TAF4B: variants seen among roughly 807,000 people sequenced by gnomAD.
TAF4B encodes TATA-box binding protein associated factor 4b.
In TAF4B, 38 loss-of-function variants were observed where a neutral mutation model predicts 86.4. That is an observed-to-expected ratio of 0.44 (90% CI 0.34 to 0.58). The LOEUF (loss-of-function observed/expected upper bound fraction) is 0.58, where lower values mean the gene tolerates loss of function less well. TAF4B is among the 20% of genes least tolerant of loss of function. The pLI, the probability that TAF4B is intolerant of heterozygous loss-of-function variation, is 0.02. For missense variants in TAF4B, 988 were observed against 1,027.6 expected (o/e 0.96, Z 0.53); for synonymous variants, 388 against 391.2 (o/e 0.99, Z 0.10).
At chr18:26,277,569 ATC>A (rs1439365991) in intron 5 of TAF4B, among the ~76,000 whole-genome samples, 1 of 152,164 alleles carries the variant, frequency 6.6e-6, no homozygotes, top group African/African-American at 2.4e-5. Context: ...TCTGCATTTA[ATC>A]TGTTTTGTGA....
intron 9 of TAF4B, among the ~76,000 whole-genome samples, chr18:26,295,962 T>A (rs1441274559): frequency 6.8e-6 from 1 of 148,134 alleles, no homozygotes; most frequent in Non-Finnish European, 1.5e-5. Flanking sequence ...GAGTATAGTT[T>A]TAAATATTAG....
In TAF4B at chr18:26,227,014, G is replaced by A. The variant is rs1483827865; in HGVS notation, c.81G>A (p.Pro27=). 2.7e-6 allele frequency: 4 copies of A among 1,465,480 alleles called. No homozygotes were observed. Among genetic ancestry groups the A allele is most frequent in the Non-Finnish European group, 3.6e-6 (4 of 1,123,032 alleles). The allele number at this position is 1,465,480 out of a possible 1,614,324, so 90.8% of individuals were successfully genotyped here. Residue 27 remains proline, a synonymous_variant, in exon 1 of 15, where the codon CCG becomes CCA. Coordinates refer to ENST00000269142, the MANE Select transcript of TAF4B (RefSeq NM_005640.3). Reference sequence around the variant, plus strand: ...CCTCGGGGACCGTGACCATGGCCCCGGCCGGGGCGCTGCCGGTGCGGGTGG... The same window carrying A: ...CCTCGGGGACCGTGACCATGGCCCCAGCCGGGGCGCTGCCGGTGCGGGTGG... ...VSASGTVTMA[P]AGALPVRVES...
intron 2 of TAF4B, 116 bp from the exon 3 acceptor site, chr18:26,267,400 T>A (rs1380520837): frequency 5.7e-6 from 4 of 698,344 alleles, no homozygotes; most frequent in Non-Finnish European, 1.0e-5. Context: ...AGGTTATAAC[T>A]CCAGTCATAA....
intron 13 of TAF4B, chr18:26,349,045 T>C (rs1189364469): frequency 3.3e-5 from 5 of 152,204 alleles, no homozygotes; most frequent in African/African-American, 4.8e-5. Context: ...ACAATGTGCA[T>C]GCTAAGACCT....
chr18:26,257,911 T>C (rs1245822580), intron 1 of TAF4B, among the ~76,000 whole-genome samples: 2 of 151,266 alleles, frequency 1.3e-5, no homozygotes, highest in Non-Finnish European at 2.9e-5. Context: ...ACCTTGCATC[T>C]AGTTATATTA....
chr18:26,246,100 A>G (rs889966257), intron 1 of TAF4B, among the ~76,000 whole-genome samples: 6 of 152,220 alleles, frequency 3.9e-5, no homozygotes, highest in African/African-American at 1.4e-4. Context: ...AACAGTATTA[A>G]TACTTAATTT....
At chr18:26,291,219 T>A (rs2056588310) in intron 7 of TAF4B, among the ~76,000 whole-genome samples, 1 of 152,130 alleles carries the variant, frequency 6.6e-6, no homozygotes, top group Non-Finnish European at 1.5e-5. Context: ...TCACTATCAA[T>A]AGCTGGCTCA....
In TAF4B at chr18:26,315,233, G is replaced by T; in HGVS notation, c.1837G>T (p.Glu613Ter). 1 of 1,570,836 alleles carries T rather than the reference G, an allele frequency of 6.4e-7. No homozygotes were observed. Among genetic ancestry groups the T allele is most frequent in the Non-Finnish European group, 8.6e-7 (1 of 1,158,810 alleles). ...ACTTTTTTTTTTTTCTATTAGAGAT[G>T]AGGATGACATCAATGATGTGACTTC... The part of the protein sequence containing the change: ...KENVTSCFRD[E>*]DDINDVTSMA... Residue 613 changes from glutamate (E) to a stop codon, truncating the protein, a stop_gained, in exon 10 of 15, where the codon GAG becomes TAG. Coordinates refer to ENST00000269142, the MANE Select transcript of TAF4B (RefSeq NM_005640.3). LOFTEE classifies it high-confidence loss of function.
At chr18:26,279,254 G>A (rs1568123685) in intron 5 of TAF4B, among the ~76,000 whole-genome samples, 1 of 151,990 alleles carries the variant, frequency 6.6e-6, no homozygotes, top group Non-Finnish European at 1.5e-5. Context: ...CAAATCAAGA[G>A]CACAGTCCCA....
chr18:26,377,700 C>T (rs2057452053), intron 14 of TAF4B, among the ~76,000 whole-genome samples: 1 of 152,058 alleles, frequency 6.6e-6, no homozygotes, highest in South Asian at 2.1e-4. Context: ...CAGTATTATA[C>T]GTAAATGGGC....
chr18:26,292,995 G>A (rs1598766871), intron 8 of TAF4B, among the ~76,000 whole-genome samples: 2 of 152,128 alleles, frequency 1.3e-5, no homozygotes, highest in East Asian at 3.9e-4. Context: ...TTCTTAAAAT[G>A]TAGTTCTTTC....
intron 11 of TAF4B, among the ~76,000 whole-genome samples, chr18:26,326,533 G>T (rs1331828738): frequency 6.6e-6 from 1 of 152,188 alleles, no homozygotes; most frequent in Non-Finnish European, 1.5e-5. Context: ...TCTAATCATG[G>T]TAACCAAGGT....
intron 13 of TAF4B, 45 bp from the exon 14 acceptor site, chr18:26,357,645 C>A: frequency 1.5e-6 from 2 of 1,343,890 alleles, no homozygotes; most frequent in Non-Finnish European, 2.1e-6. Flanking sequence ...TCCCTCTGAG[C>A]ATGAATGTGT....
chr18:26,269,069 A>G (rs943965686), intron 3 of TAF4B, among the ~76,000 whole-genome samples: 1 of 152,044 alleles, frequency 6.6e-6, no homozygotes, highest in East Asian at 1.9e-4. Context: ...TAATCCGCCT[A>G]CCTCAGCCTC....
In TAF4B at chr18:26,340,156, A is replaced by AT. The variant is rs2057124940; in HGVS notation, c.2316+4926dup. On this transcript the variant is annotated intron_variant, in intron 13 of 14. Transcript: ENST00000269142. ...TTTTTGTTTATAGAAAATATAGGTT[A>AT]TAAAAACTGTTGGTGCAATTCTTCA... Among the ~76,000 whole-genome samples, 12 of 152,376 alleles carry AT rather than the reference A, an allele frequency of 7.9e-5. No individual in the cohort carries two copies. The South Asian group carries it at 2.3e-3, about 29-fold the overall frequency.
chr18:26,381,539 C>CAA (rs1164253633), intron 14 of TAF4B, among the ~76,000 whole-genome samples: 2 of 151,828 alleles, frequency 1.3e-5, no homozygotes, highest in East Asian at 3.9e-4. Flanking sequence ...CCAGCCTGAC[C>CAA]AACATGGAGA....
At chr18:26,252,183 A>G (rs1305183399) in intron 1 of TAF4B, among the ~76,000 whole-genome samples, 5 of 152,246 alleles carry the variant, frequency 3.3e-5, no homozygotes, top group Admixed American at 3.3e-4. Context: ...GAAAGTAATT[A>G]AAGTATGAAG....
chr18:26,234,622 A>C (rs2055721032), intron 1 of TAF4B, among the ~76,000 whole-genome samples: 1 of 152,190 alleles, frequency 6.6e-6, no homozygotes, highest in African/African-American at 2.4e-5. Context: ...CATTCTCCAC[A>C]AATGGACTTT....
At chr18:26,253,190 CA>C (rs2056031672) in intron 1 of TAF4B, among the ~76,000 whole-genome samples, 1 of 152,126 alleles carries the variant, frequency 6.6e-6, no homozygotes, top group African/African-American at 2.4e-5. Context: ...AGACTTTCAC[CA>C]AAAGTATGAT....
Sources: gnomAD v4.1 joint callset for allele counts (sites outside exome capture counted in the v4.1 genomes callset) on GRCh38, gnomAD v4.1.1 for gene constraint, MANE v1.5 for transcripts, NCBI Gene and HGNC (gene_info 2026-07-23, HGNC 2026-07-21) for gene names.